USH2A: variants seen among roughly 807,000 people sequenced by gnomAD.
USH2A encodes the protein usherin.
USH2A carries 443 observed loss-of-function variants against 538.9 expected under a neutral mutation model. The ratio of observed to expected loss-of-function variants is 0.82; its 90% confidence interval spans 0.76 to 0.89. The LOEUF (loss-of-function observed/expected upper bound fraction) is 0.89, where lower values mean the gene tolerates loss of function less well. Among genes scored for constraint, USH2A ranks in the 40% least tolerant of loss-of-function variants. The pLI, the probability that USH2A is intolerant of heterozygous loss-of-function variation, is 0.00. For missense variants in USH2A, 6,633 were observed against 6,324.8 expected (o/e 1.05, Z -1.65); for synonymous variants, 2,413 against 2,273.5 (o/e 1.06, Z -1.75).
chr1:215,747,882 G>T (rs1365873077), intron 58 of USH2A, among the ~76,000 whole-genome samples: 3 of 128,862 alleles, frequency 2.3e-5, no homozygotes, highest in East Asian at 2.0e-4. Context: ...TTGTTTGTTT[G>T]TTTGTTTGGT....
At chr1:215,894,606 G>A (rs941584702) in intron 40 of USH2A, among the ~76,000 whole-genome samples, 1 of 152,074 alleles carries the variant, frequency 6.6e-6, no homozygotes, top group Admixed American at 6.6e-5. Context: ...CATGATTTGG[G>A]GCTGGCAGAA....
rs1491229640 is a variant in USH2A at position 215,950,504 on chromosome 1, C to CG, written c.7120+14812_7120+14813insC. Among the ~76,000 whole-genome samples, 39 of 131,246 alleles carry CG rather than the reference C, an allele frequency of 3.0e-4. 1 individual carries two copies. The highest frequency in any genetic ancestry group is 1.1e-3 in the African/African-American group (39 of 35,204). 86.1% of individuals were successfully genotyped at this position (131,246 alleles called of 152,430 possible). ...CCAATAACACATTTATAATTGCTAC[C>CG]TTTTTTTTTTTTTTTTTTCTGAGAC... On this transcript the variant is annotated intron_variant, in intron 37 of 71. Coordinates refer to ENST00000307340, the MANE Select transcript of USH2A (RefSeq NM_206933.4).
chr1:216,238,373 T>G (rs538579276), intron 13 of USH2A, among the ~76,000 whole-genome samples: 1 of 152,156 alleles, frequency 6.6e-6, no homozygotes, highest in Non-Finnish European at 1.5e-5. Flanking sequence ...TGGCCTCTGA[T>G]TAAGTGCCTA....
At chr1:216,313,230 A>T (rs1031100087) in intron 9 of USH2A, among the ~76,000 whole-genome samples, 1 of 152,166 alleles carries the variant, frequency 6.6e-6, no homozygotes, top group Non-Finnish European at 1.5e-5. Flanking sequence ...CTCAGGAAGT[A>T]ATGATAGCTC....
intron 61 of USH2A, among the ~76,000 whole-genome samples, chr1:215,720,838 C>T (rs957226508): frequency 6.6e-6 from 1 of 152,116 alleles, no homozygotes; most frequent in Non-Finnish European, 1.5e-5. Context: ...ATATAACCCA[C>T]AGAGAAAATC....
chr1:216,180,850 C>T (rs2034479509), intron 20 of USH2A, among the ~76,000 whole-genome samples: 1 of 152,084 alleles, frequency 6.6e-6, no homozygotes, highest in African/African-American at 2.4e-5. Flanking sequence ...ATACAATTTG[C>T]CAAACACTGC....
chr1:215,776,349 G>A (rs997415769), intron 55 of USH2A, among the ~76,000 whole-genome samples: 3 of 152,268 alleles, frequency 2.0e-5, no homozygotes, highest in African/African-American at 7.2e-5. Context: ...ATAATTAACC[G>A]AGGACTTCCT....
At chr1:216,066,159 C>T (rs1230361717) in intron 30 of USH2A, among the ~76,000 whole-genome samples, 1 of 151,710 alleles carries the variant, frequency 6.6e-6, no homozygotes, top group African/African-American at 2.4e-5. Context: ...ATTTGTACAG[C>T]TTTTTGGGCA....
At chr1:215,925,659 T>G (rs545108239) in intron 38 of USH2A, among the ~76,000 whole-genome samples, 24 of 152,256 alleles carry the variant, frequency 1.6e-4, no homozygotes, top group Admixed American at 4.6e-4. Context: ...AATAAGGGAA[T>G]ATACCATCTT....
chr1:216,372,255 A>G (rs1220507286), intron 3 of USH2A, among the ~76,000 whole-genome samples: 1 of 152,098 alleles, frequency 6.6e-6, no homozygotes, highest in Non-Finnish European at 1.5e-5. Context: ...TGCATTTTCC[A>G]TGAGCTCCTG....
At chr1:215,776,442 C>T (rs1466903333) in intron 55 of USH2A, among the ~76,000 whole-genome samples, 1 of 152,106 alleles carries the variant, frequency 6.6e-6, no homozygotes, top group East Asian at 1.9e-4. Context: ...GTGCATTCGC[C>T]ACTATTCCCA....
At chr1:216,387,145 T>C (rs754124870) in intron 3 of USH2A, among the ~76,000 whole-genome samples, 13 of 152,184 alleles carry the variant, frequency 8.5e-5, no homozygotes, top group Non-Finnish European at 1.8e-4. Flanking sequence ...AGGATATAAT[T>C]TGGAAAATAG....
chr1:216,019,566 G>C (rs1460151844), intron 32 of USH2A, among the ~76,000 whole-genome samples: 1 of 152,158 alleles, frequency 6.6e-6, no homozygotes, highest in South Asian at 2.1e-4. Context: ...CGAGAAATCT[G>C]TGTTTATGTT....
intron 43 of USH2A, among the ~76,000 whole-genome samples, chr1:215,868,596 C>T (rs888491089): frequency 6.6e-6 from 1 of 152,060 alleles, no homozygotes; most frequent in Admixed American, 6.5e-5. Flanking sequence ...AAGCCCAAGC[C>T]CCTGGTCCCT....
intron 49 of USH2A, among the ~76,000 whole-genome samples, chr1:215,799,936 T>C (rs746535818): frequency 6.6e-6 from 1 of 152,002 alleles, no homozygotes; most frequent in Non-Finnish European, 1.5e-5. Context: ...GAGTGCGCAG[T>C]GAGCCAGGAT....
At chr1:215,836,498 AATATATATTAT>A (rs1201090059) in intron 47 of USH2A, among the ~76,000 whole-genome samples, 54 of 17,756 alleles carry the variant, frequency 3.0e-3, no homozygotes, top group East Asian at 0.02. Flanking sequence ...TTATATATAT[AATATATATTAT>A]ATATATATAA....
intron 61 of USH2A, among the ~76,000 whole-genome samples, chr1:215,725,875 T>C (rs957202102): frequency 2.6e-5 from 4 of 152,100 alleles, no homozygotes; most frequent in African/African-American, 9.7e-5. Flanking sequence ...GCCTAGAAGA[T>C]TAAATAAAGA....
intron 49 of USH2A, among the ~76,000 whole-genome samples, chr1:215,810,158 C>T (rs1005672021): frequency 3.3e-5 from 5 of 152,008 alleles, no homozygotes; most frequent in Non-Finnish European, 5.9e-5. Context: ...GGGGCATGCT[C>T]AATGGTTTGG....
At chr1:216,065,712 C>T (rs2031335704) in intron 30 of USH2A, among the ~76,000 whole-genome samples, 1 of 151,952 alleles carries the variant, frequency 6.6e-6, no homozygotes, top group Non-Finnish European at 1.5e-5. Context: ...GCCTGGCCAA[C>T]ATGGTGAAAC....
Sources: gnomAD v4.1 joint callset for allele counts (sites outside exome capture counted in the v4.1 genomes callset) on GRCh38, gnomAD v4.1.1 for gene constraint, MANE v1.5 for transcripts, NCBI Gene and HGNC (gene_info 2026-07-23, HGNC 2026-07-21) for gene names.